Variants in RAD54B observed in about 807,000 individuals in gnomAD.
The protein encoded by RAD54B is DNA repair and recombination protein RAD54B.
A neutral mutation model predicts 95.8 loss-of-function variants in RAD54B; 78 were observed. The ratio of observed to expected loss-of-function variants is 0.81; its 90% CI spans 0.68 to 0.98. RAD54B has a LOEUF of 0.98. RAD54B is among the 50% of genes least tolerant of loss of function. The pLI, the probability that RAD54B is intolerant of heterozygous loss-of-function variation, is 0.00. For missense variants in RAD54B, 957 were observed against 1,056.6 expected (o/e 0.91, Z 1.31); for synonymous variants, 328 against 354.9 (o/e 0.92, Z 0.85).
intron 5 of RAD54B, among the ~76,000 whole-genome samples, chr8:94,405,033 C>T (rs753480075): frequency 5.9e-5 from 9 of 152,038 alleles, no homozygotes; most frequent in Admixed American, 6.6e-5. Flanking sequence ...AGGCTGGTCA[C>T]GAACTCCTGA....
At chr8:94,463,789 C>A (rs1165933507) in intron 2 of RAD54B, among the ~76,000 whole-genome samples, 2 of 150,206 alleles carry the variant, frequency 1.3e-5, no homozygotes, top group African/African-American at 4.9e-5. Context: ...ATGGCACATG[C>A]CTGTGGTCCC....
At chr8:94,426,265 TAA>T (rs551332612) in intron 3 of RAD54B, among the ~76,000 whole-genome samples, 4 of 133,950 alleles carry the variant, frequency 3.0e-5, no homozygotes, top group African/African-American at 5.4e-5. Context: ...TTGCAAAAAT[TAA>T]AAAAAAAAAA....
At position 94,458,294 on chromosome 8, in the gene RAD54B, A is replaced by T. The variant is rs780901315; in HGVS notation, c.278T>A (p.Leu93Gln). 1.2e-6 allele frequency: 2 copies of T among 1,607,846 alleles called. No homozygotes were observed. The highest frequency in any genetic ancestry group is 1.7e-6 in the Non-Finnish European group (2 of 1,178,022). ...TGTATGAGGTGGATCTAATGTTGCC[A>T]GTGTAGGTGCTTCAAAACAATATTT... ...SGKYCFEAPTLATLDPPHTVH... is the reference protein window; with the variant it reads ...SGKYCFEAPTQATLDPPHTVH... The change falls in exon 3 of 15, where the codon CTG (leucine) becomes CAG (glutamine). Residue 93 changes from leucine (L) to glutamine (Q), a missense_variant. Transcript: ENST00000336148.
At chr8:94,454,120 G>T (rs1288132050) in intron 3 of RAD54B, among the ~76,000 whole-genome samples, 1 of 151,018 alleles carries the variant, frequency 6.6e-6, no homozygotes, top group Non-Finnish European at 1.5e-5. Flanking sequence ...AACATCTTCT[G>T]AGTTTTTTAC....
At chr8:94,437,812 A>G (rs1453775277) in intron 3 of RAD54B, among the ~76,000 whole-genome samples, 1 of 152,224 alleles carries the variant, frequency 6.6e-6, no homozygotes, top group Non-Finnish European at 1.5e-5. Flanking sequence ...CTATGAAAGG[A>G]AACAGCTAGT....
chr8:94,440,838 G>A (rs1418761895), intron 3 of RAD54B, among the ~76,000 whole-genome samples: 2 of 152,150 alleles, frequency 1.3e-5, no homozygotes, highest in African/African-American at 4.8e-5. Flanking sequence ...CCCCACCTGA[G>A]GGAAGAGAGA....
At chr8:94,375,910 G>GGGTAGAGTAGGA (rs565698791) in intron 14 of RAD54B, among the ~76,000 whole-genome samples, 17 of 152,004 alleles carry the variant, frequency 1.1e-4, no homozygotes, top group East Asian at 3.9e-4. Flanking sequence ...AGGGAGATAA[G>GGGTAGAGTAGGA]GGTAGAGTAG....
At chr8:94,440,201 T>TA (rs140489175) in intron 3 of RAD54B, among the ~76,000 whole-genome samples, 45,608 of 147,534 alleles carry the variant, frequency 0.31, 7,336 homozygotes, top group East Asian at 0.43. Context: ...TAGGCAAGAT[T>TA]AAAAAAAAAA....
In RAD54B at chr8:94,470,408, C is replaced by T. The variant is rs565812701; in HGVS notation, c.-16-2853G>A. ...GAGGTCAGTTCAAGACCAGCCTCAT[C>T]AACATGGAGAAACCCTGTGTCTATT... On this transcript the variant is annotated intron_variant, in intron 1 of 14. Coordinates refer to ENST00000336148, the MANE Select transcript of RAD54B (RefSeq NM_012415.3). Among the ~76,000 whole-genome samples the T allele has an allele frequency of 3.0e-4, 45 of 152,200 alleles. 1 individual carries two copies. Among genetic ancestry groups the T allele is most frequent in the Non-Finnish European group, 2.1e-4 (14 of 68,034 alleles).
intron 3 of RAD54B, among the ~76,000 whole-genome samples, chr8:94,446,672 C>T (rs2921386): frequency 0.27 from 41,428 of 152,044 alleles, 6,120 homozygotes; most frequent in East Asian, 0.43. Flanking sequence ...AAGTACACTG[C>T]ACTTCATTTT....
chr8:94,463,735 TA>T (rs1812956887), intron 2 of RAD54B, among the ~76,000 whole-genome samples: 1 of 151,574 alleles, frequency 6.6e-6, no homozygotes, highest in African/African-American at 2.4e-5. Flanking sequence ...AAAATTAGCC[TA>T]TAAAATTTAA....
At chr8:94,429,942 T>A in intron 3 of RAD54B, 1 of 985,358 alleles carries the variant, frequency 1.0e-6, no homozygotes, top group Non-Finnish European at 1.2e-6. Context: ...TCCTCCTAAA[T>A]CACAACTATA....
chr8:94,452,058 T>C (rs1357181322), intron 3 of RAD54B, among the ~76,000 whole-genome samples: 2 of 152,172 alleles, frequency 1.3e-5, no homozygotes, highest in East Asian at 3.9e-4. Flanking sequence ...AAGGGCCTCC[T>C]TTCTGGTTCA....
intron 11 of RAD54B, among the ~76,000 whole-genome samples, chr8:94,385,630 G>T (rs1810871834): frequency 6.6e-6 from 1 of 152,078 alleles, no homozygotes; most frequent in African/African-American, 2.4e-5. Context: ...GTAGAAAAGG[G>T]GTCTCACTCT....
chr8:94,420,533 C>G (rs187341116), intron 3 of RAD54B, among the ~76,000 whole-genome samples: 1 of 151,904 alleles, frequency 6.6e-6, no homozygotes, highest in Non-Finnish European at 1.5e-5. Flanking sequence ...GAGCTCTTAA[C>G]AAGGTCACTC....
At chr8:94,374,956 C>A (rs984752156) in intron 14 of RAD54B, among the ~76,000 whole-genome samples, 3 of 152,026 alleles carry the variant, frequency 2.0e-5, no homozygotes, top group African/African-American at 7.2e-5. Flanking sequence ...AAGAGAATAG[C>A]AAATTAAAAC....
In RAD54B at chr8:94,399,135, T is replaced by G. The variant is rs571752319; in HGVS notation, c.1378+279A>C. 3.9e-5 allele frequency among the ~76,000 whole-genome samples: 6 copies of G among 152,222 alleles called. 1 individual carries two copies. The South Asian group carries it at 1.2e-3, about 32-fold the overall frequency. On this transcript the variant is annotated intron_variant, in intron 8 of 14. Transcript: ENST00000336148. Reference sequence around the variant, plus strand: ...ATTTGCTCCAAGTTGTACAGCTATGTCAGACTCGGGAACCAAGCACAAGCA... The same window carrying G: ...ATTTGCTCCAAGTTGTACAGCTATGGCAGACTCGGGAACCAAGCACAAGCA...
At chr8:94,422,368 CCT>C in intron 3 of RAD54B, among the ~76,000 whole-genome samples, 1 of 151,392 alleles carries the variant, frequency 6.6e-6, no homozygotes, top group South Asian at 2.1e-4. Flanking sequence ...AGGCGGATTA[CCT>C]GAGGTCAGGA....
At chr8:94,396,593 T>C (rs1257408723) in intron 8 of RAD54B, among the ~76,000 whole-genome samples, 1 of 152,144 alleles carries the variant, frequency 6.6e-6, no homozygotes, top group Non-Finnish European at 1.5e-5. Flanking sequence ...AAAGAGTATA[T>C]GCTTGTAGAT....
Sources: allele counts gnomAD v4.1 joint callset (sites outside exome capture counted in the v4.1 genomes callset), GRCh38; gene constraint gnomAD v4.1.1; transcripts MANE v1.5; gene names NCBI Gene and HGNC (gene_info 2026-07-23, HGNC 2026-07-21).